The following BLOC1S2 variants were observed in gnomAD, a reference collection of about 807,000 sequenced individuals.
BLOC1S2 encodes biogenesis of lysosome-related organelles complex 1 subunit 2.
Under a neutral mutation model 19.6 loss-of-function variants are expected in BLOC1S2, and 12 were observed. The observed-to-expected ratio is 0.61, with a 90% confidence interval of 0.39 to 0.99. The LOEUF is 0.99. Ranked by LOEUF, BLOC1S2 falls within the 50% of genes least tolerant of loss-of-function variation. BLOC1S2 has a pLI of 0.00. For missense variants in BLOC1S2, 142 were observed against 171.0 expected, an observed-to-expected ratio of 0.83 and a Z score of 0.95; for synonymous variants, 66 against 64.1, an observed-to-expected ratio of 1.03 and a Z score of -0.14.
At position 100,275,364 on chromosome 10, in the gene BLOC1S2, T is replaced by C; in HGVS notation, c.*98A>G. On this transcript the variant is annotated 3_prime_UTR_variant, in exon 5 of 5. Transcript: ENST00000370372. ...TGTGATGACCAGCATAATTTCCTTT[T>C]GAGGAATTTTCACAATTCATCAGCC... is the stretch of plus-strand genomic sequence containing the variant. 7.9e-7 allele frequency: 1 copy of C among 1,271,750 alleles called. No individual in the cohort carries two copies. The highest frequency in any genetic ancestry group is 2.1e-5 in the Admixed American group (1 of 47,722). The allele number at this position is 1,271,750 out of a possible 1,614,324, so 78.8% of individuals were successfully genotyped here. A position where few individuals can be genotyped will look rare whatever the true frequency, so the allele number is the denominator to read the frequency against.
At chr10:100,286,542 G>T in intron 1 of BLOC1S2, 63 bp downstream of exon 1, 1 of 1,596,690 alleles carries the variant, frequency 6.3e-7, no homozygotes, top group Non-Finnish European at 8.5e-7. Context: ...ACTCAACCTC[G>T]CCCACCCGAG....
At chr10:100,278,591 GGGC>G (rs1474302971) in intron 4 of BLOC1S2, among the ~76,000 whole-genome samples, 2 of 152,160 alleles carry the variant, frequency 1.3e-5, no homozygotes, top group African/African-American at 4.8e-5. Context: ...AATGGATTAA[GGGC>G]GGTGCAAGAT....
chr10:100,281,641 C>T (rs2134361650), intron 2 of BLOC1S2, among the ~76,000 whole-genome samples: 1 of 149,946 alleles, frequency 6.7e-6, no homozygotes. Context: ...CGAGATTGTG[C>T]CACTGCATTC....
chr10:100,279,709 C>G (rs1485854134), intron 4 of BLOC1S2, among the ~76,000 whole-genome samples: 1 of 152,142 alleles, frequency 6.6e-6, no homozygotes. Context: ...GAGACCCTGT[C>G]TCTACTAAAA....
At chr10:100,281,964 G>GT (rs556454333) in intron 2 of BLOC1S2, among the ~76,000 whole-genome samples, 1 of 151,980 alleles carries the variant, frequency 6.6e-6, no homozygotes, top group African/African-American at 2.4e-5. Flanking sequence ...TACTTCTTTT[G>GT]TTTTTTGTTT....
intron 2 of BLOC1S2, among the ~76,000 whole-genome samples, chr10:100,282,510 G>A (rs1037876328): frequency 3.3e-5 from 5 of 149,458 alleles, no homozygotes; most frequent in African/African-American, 1.2e-4. Context: ...TCCTTTGGCT[G>A]CTATGGCATT....
chr10:100,281,577 G>C (rs915963983), intron 2 of BLOC1S2, among the ~76,000 whole-genome samples: 4 of 151,590 alleles, frequency 2.6e-5, no homozygotes, highest in African/African-American at 4.9e-5. Flanking sequence ...TCAGCTACTC[G>C]GGAGGCTGAG....
At position 100,279,049 on chromosome 10, in the gene BLOC1S2, T is replaced by C. The variant is rs116631212; in HGVS notation, c.397+1075A>G. On this transcript the variant is annotated intron_variant, in intron 4 of 4. Transcript: ENST00000370372. ...CTACAGCGAGCTATGATCACGTCAT[T>C]GCACCCTAGCCTGGGTGACACAGCA... is the stretch of plus-strand genomic sequence containing the variant. Among the ~76,000 whole-genome samples the C allele has an allele frequency of 7.4e-3, 1,128 of 151,886 alleles. 18 individuals carry two copies. The highest frequency in any genetic ancestry group is 0.025 in the African/African-American group (1,053 of 41,378).
intron 4 of BLOC1S2, among the ~76,000 whole-genome samples, chr10:100,279,738 G>A (rs1054503984): frequency 1.3e-5 from 2 of 152,122 alleles, no homozygotes; most frequent in South Asian, 2.1e-4. Flanking sequence ...TTAGCCAGGC[G>A]TGGTGGCGCG....
At chr10:100,277,314 C>G (rs1271723741) in intron 4 of BLOC1S2, among the ~76,000 whole-genome samples, 1 of 152,020 alleles carries the variant, frequency 6.6e-6, no homozygotes, top group African/African-American at 2.4e-5. Context: ...CGGCAGCCAC[C>G]CCGGCCGGGA....
chr10:100,280,159 G>C lies in BLOC1S2; in HGVS notation c.362C>G (p.Ala121Gly). The C allele has an allele frequency of 6.2e-7, 1 of 1,613,718 alleles. No individual in the cohort carries two copies. The change falls in exon 4 of 5, where the codon GCA becomes GGA. Residue 121 changes from alanine to glycine, a missense_variant. Ala to Gly is a moderately conservative substitution (Grantham distance 60). This residue lies in a region of BLOC1S2 where 94 missense variants were observed against 141.3 expected (regional missense o/e 0.67). Transcript: ENST00000370372. ...TGAATATGCATCCAACTTGTAAGCT[G>C]CCTGCTCAAGAGCTGCTACCTGCTC... ...IEEQVAALEQAAYKLDAYSKK... is the reference protein window; with the variant it reads ...IEEQVAALEQGAYKLDAYSKK...
chr10:100,277,850 G>A (rs1847963426), intron 4 of BLOC1S2, among the ~76,000 whole-genome samples: 1 of 130,212 alleles, frequency 7.7e-6, no homozygotes, highest in African/African-American at 3.0e-5. Context: ...TCAGCCCCCC[G>A]CCCGGCCAGC....
At chr10:100,275,575 T>A in intron 4 of BLOC1S2, 82 bp from the exon 5 acceptor site, 1 of 1,264,742 alleles carries the variant, frequency 7.9e-7, no homozygotes, top group Non-Finnish European at 1.1e-6. Context: ...CAGTCAAGTT[T>A]AAAAAATATG....
At chr10:100,275,904 T>A (rs1274066104) in intron 4 of BLOC1S2, among the ~76,000 whole-genome samples, 2 of 152,208 alleles carry the variant, frequency 1.3e-5, no homozygotes, top group Non-Finnish European at 2.9e-5. Flanking sequence ...TTCTTATCCT[T>A]ACACCTTACT....
At chr10:100,282,555 T>C (rs899430533) in intron 2 of BLOC1S2, among the ~76,000 whole-genome samples, 6 of 152,212 alleles carry the variant, frequency 3.9e-5, no homozygotes, top group African/African-American at 1.4e-4. Flanking sequence ...CTCTAACTGC[T>C]CTTCTTAGAT....
Position 100,280,213 on chromosome 10 carries a change from GGCT to G in BLOC1S2, c.305_307del (p.Gln102del), listed in dbSNP as rs1848069204. 1 of 1,609,606 alleles carries G rather than the reference GGCT, an allele frequency of 6.2e-7. No individual in the cohort carries two copies. The highest frequency in any genetic ancestry group is 8.5e-7 in the Non-Finnish European group (1 of 1,177,462). Reference sequence around the variant, plus strand: ...AATGACATTGATCTGATCCAGATAAGGCTGCAGTCCAGCATCTTTAAAAACAAA... The same window carrying G: ...AATGACATTGATCTGATCCAGATAAGGCAGTCCAGCATCTTTAAAAACAAA... On this transcript the variant is annotated inframe_deletion, in exon 4 of 5. Coordinates refer to ENST00000370372, the MANE Select transcript of BLOC1S2 (RefSeq NM_173809.5).
intron 4 of BLOC1S2, among the ~76,000 whole-genome samples, chr10:100,276,027 T>C (rs1847839156): frequency 6.6e-6 from 1 of 152,120 alleles, no homozygotes; most frequent in African/African-American, 2.4e-5. Flanking sequence ...TTCACAATTT[T>C]AACAGAAAAA....
intron 4 of BLOC1S2, among the ~76,000 whole-genome samples, chr10:100,276,138 A>G (rs1847841444): frequency 6.6e-6 from 1 of 152,198 alleles, no homozygotes. Context: ...TCACTGGCTA[A>G]ATGTAACTGT....
At chr10:100,277,318 G>T (rs1159547390) in intron 4 of BLOC1S2, among the ~76,000 whole-genome samples, 2 of 148,102 alleles carry the variant, frequency 1.4e-5, no homozygotes, top group Non-Finnish European at 1.5e-5. Context: ...AGCCACCCCG[G>T]CCGGGAGGGA....
Sources: allele counts gnomAD v4.1 joint callset (sites outside exome capture counted in the v4.1 genomes callset), GRCh38; gene constraint gnomAD v4.1.1; regional missense constraint gnomAD v4.1.1; transcripts MANE v1.5; gene names NCBI Gene and HGNC (gene_info 2026-07-23, HGNC 2026-07-21).